The following TNKS1BP1 variants were observed in gnomAD, a reference collection of about 807,000 sequenced individuals.
TNKS1BP1 encodes the protein 182 kDa tankyrase-1-binding protein.
A neutral mutation model predicts 141.1 loss-of-function variants in TNKS1BP1; 48 were observed. The ratio of observed to expected loss-of-function variants is 0.34; its 90% CI spans 0.27 to 0.43. The LOEUF is 0.43. Ranked by LOEUF, TNKS1BP1 falls within the 20% of genes least tolerant of loss-of-function variation. TNKS1BP1 has a pLI of 1.00. For synonymous variants in TNKS1BP1, 875 were observed against 898.2 expected (o/e 0.97, Z 0.46); for missense variants, 2,149 against 2,226.0 (o/e 0.97, Z 0.70).
In TNKS1BP1 at chr11:57,312,863, C is replaced by T; in HGVS notation, c.1825G>A (p.Glu609Lys). 6.2e-7 allele frequency: 1 copy of T among 1,608,900 alleles called. No individual in the cohort carries two copies. ...QESPLPLATREAALPILEPVL... is the reference protein window; with the variant it reads ...QESPLPLATRKAALPILEPVL... ...GGCTCCAGGATGGGCAAGGCTGCCT[C>T]CCTGGTAGCCAGGGGGAGAGGGGAC... Residue 609 changes from glutamate (E) to lysine (K), a missense_variant, in exon 5 of 12, where the codon GAG becomes AAG. Transcript: ENST00000358252.
rs1855866336 is a variant in TNKS1BP1 at position 57,320,388 on chromosome 11, C to A, written c.419G>T (p.Gly140Val). ...AGGGGCAGGGGCCTTCCGTACACCC[C>A]CTGGGGCTGCACATCGAGCTGGGGG... ...LTPPARCAAPGGVRKAPAPFR... is the reference protein window; with the variant it reads ...LTPPARCAAPVGVRKAPAPFR... The change falls in exon 3 of 12, where the codon GGG becomes GTG. Residue 140 changes from glycine to valine, a missense_variant. Gly to Val is a moderately radical substitution (Grantham distance 109, BLOSUM62 -3). Transcript: ENST00000358252. 3.1e-6 allele frequency: 5 copies of A among 1,613,226 alleles called. No individual in the cohort carries two copies. The highest frequency in any genetic ancestry group is 4.2e-6 in the Non-Finnish European group (5 of 1,179,312).
In TNKS1BP1 at chr11:57,300,532, G is replaced by C. The variant is rs752235596; in HGVS notation, c.*8C>G. ...AGCCCAGGAACCTGTCCTCACCTCA[G>C]TGACTTCTCAGACCTTCTTCTTCTT... On this transcript the variant is annotated 3_prime_UTR_variant, in exon 11 of 12. Transcript: ENST00000358252. The C allele has an allele frequency of 2.5e-6, 4 of 1,614,246 alleles. No homozygotes were observed. The highest frequency in any genetic ancestry group is 3.4e-6 in the Non-Finnish European group (4 of 1,180,038).
chr11:57,319,360 G>A (rs1021530746), intron 3 of TNKS1BP1, among the ~76,000 whole-genome samples: 1 of 152,110 alleles, frequency 6.6e-6, no homozygotes, highest in Non-Finnish European at 1.5e-5. Flanking sequence ...CGAGACTATG[G>A]AGTCATTTTT....
Position 57,313,275 on chromosome 11 carries a change from G to A in TNKS1BP1, c.1413C>T (p.Ser471=). 2 of 1,612,946 alleles carry A rather than the reference G, an allele frequency of 1.2e-6. No individual in the cohort carries two copies. The highest frequency in any genetic ancestry group is 1.7e-6 in the Non-Finnish European group (2 of 1,180,006). Residue 471 remains serine, a synonymous_variant, in exon 5 of 12, where the codon AGC becomes AGT. Transcript: ENST00000358252. ...AGGTCCATTCGAAGGACTGTGATAA[G>A]CTCCAGTTGGACTCTGCCCCAAAGG... The part of the protein sequence containing the change: ...DRPFGAESNW[S]LSQSFEWTFP...
chr11:57,302,282 C>G lies in TNKS1BP1; in HGVS notation c.4684-58G>C. 6.4e-7 allele frequency: 1 copy of G among 1,570,444 alleles called. No individual in the cohort carries two copies. The highest frequency in any genetic ancestry group is 2.3e-5 in the East Asian group (1 of 43,280). On this transcript the variant is annotated intron_variant, in intron 7 of 11. Coordinates refer to ENST00000358252, the MANE Select transcript of TNKS1BP1 (RefSeq NM_033396.3). This position sits in a 1 kb window ranked among gnomAD's most constrained non-coding sequence, Gnocchi z 5.5. ...GCTGCCTCATCCCACGGGAGCCCCT[C>G]AACAGTAGCTGACCAGGAGCTGGAC...
intron 3 of TNKS1BP1, among the ~76,000 whole-genome samples, chr11:57,318,930 G>T (rs1855838171): frequency 6.6e-6 from 1 of 152,120 alleles, no homozygotes; most frequent in African/African-American, 2.4e-5. Flanking sequence ...AGATCACGAG[G>T]TCAGGAGATC....
rs764577456 is a variant in TNKS1BP1 at position 57,302,799 on chromosome 11, G to A, written c.4343C>T (p.Pro1448Leu). 3.2e-6 allele frequency: 5 copies of A among 1,545,780 alleles called. No individual in the cohort carries two copies. Among genetic ancestry groups the A allele is most frequent in the South Asian group, 1.2e-5 (1 of 84,052 alleles). ...CAGCAGGCCCTGGGAGCCGGAGGGT[G>A]GGGGGCGGGCCGGGCACCTGCCAGG... ...ASPGRCPARP[P>L]PSGSQGLLEE... The change falls in exon 7 of 12, where the codon CCA (proline) becomes CTA (leucine). Residue 1448 changes from proline (P) to leucine (L), a missense_variant. By Grantham distance (98) the Pro-to-Leu change is moderately conservative. Transcript: ENST00000358252. The surrounding 1 kb of genome is among the most constrained non-coding windows in gnomAD (Gnocchi z 5.5).
intron 5 of TNKS1BP1, chr11:57,311,190 G>A (rs1855702398): frequency 1.0e-6 from 1 of 974,176 alleles, no homozygotes; most frequent in Non-Finnish European, 1.2e-6. Flanking sequence ...GAAAATCCCA[G>A]CCAGGGCTTC....
Position 57,324,897 on chromosome 11 carries a change from C to G in TNKS1BP1, c.-123G>C. 1.0e-6 allele frequency: 1 copy of G among 982,864 alleles called. No individual in the cohort carries two copies. The highest frequency in any genetic ancestry group is 1.2e-6 in the Non-Finnish European group (1 of 827,104). The allele number at this position is 982,864 out of a possible 1,614,324, so 60.9% of individuals were successfully genotyped here. On this transcript the variant is annotated 5_prime_UTR_variant, in exon 1 of 12. Coordinates refer to ENST00000358252, the MANE Select transcript of TNKS1BP1 (RefSeq NM_033396.3). The stretch of plus-strand genomic sequence containing the variant: ...GGGGCCCCGATGCCAGTCCCCGCCG[C>G]CGCCGCCGCTGCTACCGCCGCCGCC...
At position 57,309,099 on chromosome 11, in the gene TNKS1BP1, G is replaced by A. The variant is rs1431698148; in HGVS notation, c.3612C>T (p.Asn1204=). ...WSGGLSLRDM[N]LTGCLESGGS... is the part of the protein sequence containing the mutation. ...CTCCACTTTCCAAACAGCCGGTCAGGTTCATGTCTCTCAAGCTCAGGCCAC... is the reference window on the plus strand; with the variant it reads ...CTCCACTTTCCAAACAGCCGGTCAGATTCATGTCTCTCAAGCTCAGGCCAC... Residue 1204 remains asparagine, a synonymous_variant, in exon 6 of 12, where the codon AAC becomes AAT. Transcript: ENST00000358252. The surrounding 1 kb of genome is among the most constrained non-coding windows in gnomAD (Gnocchi z 4.3). 6.2e-7 allele frequency: 1 copy of A among 1,613,834 alleles called. No individual in the cohort carries two copies.
rs1193411399 is a variant in TNKS1BP1 at position 57,302,887 on chromosome 11, C to T, written c.4317-62G>A. 1 of 1,439,678 alleles carries T rather than the reference C, an allele frequency of 6.9e-7. No homozygotes were observed. The highest frequency in any genetic ancestry group is 9.1e-7 in the Non-Finnish European group (1 of 1,097,502). 89.2% of individuals were successfully genotyped at this position (1,439,678 alleles called of 1,614,324 possible). ...AGGCCCCATCTCCCTGCCCTGAAGC[C>T]TACTTCACAAGCTCCTTCCCCCAGC... On this transcript the variant is annotated intron_variant, in intron 6 of 11. Transcript: ENST00000358252. The surrounding 1 kb of genome is among the most constrained non-coding windows in gnomAD (Gnocchi z 5.5).
Position 57,324,891 on chromosome 11 carries a change from C to CCGA in TNKS1BP1, c.-118_-117insTCG, listed in dbSNP as rs899700665. ...CGGCTCGGGGCCCCGATGCCAGTCCCCGCCGCCGCCGCCGCTGCTACCGCC... is the reference window on the plus strand; with the variant it reads ...CGGCTCGGGGCCCCGATGCCAGTCCCCGACGCCGCCGCCGCCGCTGCTACCGCC... On this transcript the variant is annotated 5_prime_UTR_variant, in exon 1 of 12. Coordinates refer to ENST00000358252, the MANE Select transcript of TNKS1BP1 (RefSeq NM_033396.3). 62 of 978,984 alleles carry CCGA rather than the reference C, an allele frequency of 6.3e-5. 1 individual carries two copies. The South Asian group carries it at 2.4e-3, about 39-fold the overall frequency. 60.6% of individuals were successfully genotyped at this position (978,984 alleles called of 1,614,324 possible).
At chr11:57,308,300 G>T (rs944601313) in intron 6 of TNKS1BP1, 95 bp downstream of exon 6, 2 of 1,495,282 alleles carry the variant, frequency 1.3e-6, no homozygotes, top group Non-Finnish European at 1.8e-6. Context: ...AAGTCCTCAG[G>T]AAAAACTGTT....
At chr11:57,303,433 G>A (rs1364827113) in intron 6 of TNKS1BP1, 2 of 152,620 alleles carry the variant, frequency 1.3e-5, no homozygotes, top group African/African-American at 4.8e-5. Flanking sequence ...ACCGTCCCTG[G>A]TGGTACTGTC....
intron 4 of TNKS1BP1, among the ~76,000 whole-genome samples, chr11:57,316,795 C>T (rs995222559): frequency 6.6e-6 from 1 of 152,230 alleles, no homozygotes; most frequent in Non-Finnish European, 1.5e-5. Context: ...GCAACTGATT[C>T]TTAATCCAGT....
chr11:57,312,150 C>T (rs527996770), intron 5 of TNKS1BP1, among the ~76,000 whole-genome samples: 39 of 152,268 alleles, frequency 2.6e-4, no homozygotes, highest in Admixed American at 1.2e-3. Flanking sequence ...TTGCCTTGAA[C>T]GATATTCCCA....
intron 9 of TNKS1BP1, among the ~76,000 whole-genome samples, chr11:57,301,420 C>T (rs1455028051): frequency 1.3e-5 from 2 of 152,116 alleles, no homozygotes; most frequent in Non-Finnish European, 2.9e-5. Context: ...CTCCAATCCA[C>T]CCTCCCTTCC....
At chr11:57,306,921 G>T in intron 6 of TNKS1BP1, among the ~76,000 whole-genome samples, 1 of 142,942 alleles carries the variant, frequency 7.0e-6, no homozygotes, top group Admixed American at 7.1e-5. Context: ...GGGGTTGGGT[G>T]GGAGGGGGGC....
rs1855547045 is a variant in TNKS1BP1, at chr11:57,302,746, T to G, written c.4396A>C (p.Lys1466Gln). The G allele has an allele frequency of 3.8e-6, 6 of 1,580,242 alleles. No homozygotes were observed. The highest frequency in any genetic ancestry group is 5.1e-6 in the Non-Finnish European group (6 of 1,167,572). Residue 1466 changes from lysine (K) to glutamine (Q), a missense_variant, in exon 7 of 12, where the codon AAG becomes CAG. Physicochemically the swap from Lys to Gln is moderately conservative, Grantham distance 53. Coordinates refer to ENST00000358252, the MANE Select transcript of TNKS1BP1 (RefSeq NM_033396.3). This position sits in a 1 kb window ranked among gnomAD's most constrained non-coding sequence, Gnocchi z 5.5. ...GCTGACTCCCTCCGAGCCACCGCCT[T>G]GGAGCTGCTGGCTGCCAGCATCTCC... ...LEEMLAASSS[K>Q]AVARRESAAS...
Sources: allele counts gnomAD v4.1 joint callset (sites outside exome capture counted in the v4.1 genomes callset), GRCh38; gene constraint gnomAD v4.1.1; non-coding constraint Gnocchi (gnomAD v3.1); transcripts MANE v1.5; gene names NCBI Gene and HGNC (gene_info 2026-07-23, HGNC 2026-07-21).